Variants in ATRNL1 observed in about 807,000 individuals in gnomAD.
ATRNL1 encodes the protein attractin-like protein 1.
In ATRNL1, 95 loss-of-function variants were observed where a neutral mutation model predicts 182.7. That is an observed-to-expected ratio of 0.52 (90% CI 0.44 to 0.62). The LOEUF is 0.62. ATRNL1 is among the 20% of genes least tolerant of loss of function. The pLI is 0.00. For synonymous variants in ATRNL1, 576 were observed against 568.3 expected, an observed-to-expected ratio of 1.01 and a Z score of -0.19; for missense variants, 1,471 against 1,679.5, an observed-to-expected ratio of 0.88 and a Z score of 2.17.
At chr10:115,380,087 C>T (rs949578930) in intron 19 of ATRNL1, among the ~76,000 whole-genome samples, 1 of 152,184 alleles carries the variant, frequency 6.6e-6, no homozygotes, top group Admixed American at 6.5e-5. Context: ...GCCTCAGCCT[C>T]CCAAAGTGCT....
chr10:115,228,447 C>G (rs1282128915), intron 9 of ATRNL1, among the ~76,000 whole-genome samples: 1 of 152,120 alleles, frequency 6.6e-6, no homozygotes, highest in Non-Finnish European at 1.5e-5. Flanking sequence ...CATTTTATAG[C>G]CTTGTTAAAT....
intron 21 of ATRNL1, among the ~76,000 whole-genome samples, chr10:115,428,426 T>C (rs531029875): frequency 1.3e-5 from 2 of 152,158 alleles, no homozygotes; most frequent in South Asian, 2.1e-4. Flanking sequence ...TTTAATAATG[T>C]GTTGAAAAGA....
chr10:115,573,520 T>G (rs1276993130), intron 26 of ATRNL1, among the ~76,000 whole-genome samples: 1 of 151,974 alleles, frequency 6.6e-6, no homozygotes, highest in African/African-American at 2.4e-5. Flanking sequence ...AAAACAGAAA[T>G]ACCTGTTCTC....
chr10:115,783,608 T>A (rs1369800836), intron 27 of ATRNL1, among the ~76,000 whole-genome samples: 3 of 152,228 alleles, frequency 2.0e-5, no homozygotes, highest in Non-Finnish European at 4.4e-5. Flanking sequence ...AGTTTTCACA[T>A]TCAAATATAA....
At chr10:115,817,528 A>G (rs370132593) in intron 27 of ATRNL1, among the ~76,000 whole-genome samples, 1 of 152,148 alleles carries the variant, frequency 6.6e-6, no homozygotes, top group African/African-American at 2.4e-5. Context: ...AGCCAGATGC[A>G]TACATATATG....
At chr10:115,588,214 C>T (rs1406745819) in intron 26 of ATRNL1, among the ~76,000 whole-genome samples, 3 of 152,136 alleles carry the variant, frequency 2.0e-5, no homozygotes, top group African/African-American at 4.8e-5. Flanking sequence ...CCCTTCTCAT[C>T]CCTCTCTCAC....
rs575135577 is a variant in ATRNL1, at chr10:115,946,539, A to G, written c.*1760A>G. 4.6e-5 allele frequency: 7 copies of G among 152,150 alleles called. No individual in the cohort carries two copies. Among genetic ancestry groups the G allele is most frequent in the Non-Finnish European group, 8.8e-5 (6 of 68,018 alleles). 9.4% of individuals were successfully genotyped at this position (152,150 alleles called of 1,614,324 possible). Reference sequence around the variant, plus strand: ...TGGCATGATAATTTTGCTATTTTCCATGCATTAAAAATAAGACAAATTCTT... The same window carrying G: ...TGGCATGATAATTTTGCTATTTTCCGTGCATTAAAAATAAGACAAATTCTT... On this transcript the variant is annotated 3_prime_UTR_variant, in exon 29 of 29. Coordinates refer to ENST00000355044, the MANE Select transcript of ATRNL1 (RefSeq NM_207303.4).
intron 26 of ATRNL1, among the ~76,000 whole-genome samples, chr10:115,561,675 G>GTGTGTT: frequency 1.1e-5 from 1 of 94,468 alleles, no homozygotes; most frequent in East Asian, 3.5e-4. Context: ...AACTCTGTGT[G>GTGTGTT]TGTGTGTGTG....
intron 26 of ATRNL1, among the ~76,000 whole-genome samples, chr10:115,587,833 C>A (rs1053557809): frequency 8.7e-5 from 12 of 137,268 alleles, no homozygotes; most frequent in Non-Finnish European, 1.9e-4. Context: ...GTAAAAATAT[C>A]CATTTTAACT....
At chr10:115,867,610 C>A (rs1555105012) in intron 28 of ATRNL1, among the ~76,000 whole-genome samples, 1 of 152,126 alleles carries the variant, frequency 6.6e-6, no homozygotes, top group Non-Finnish European at 1.5e-5. Flanking sequence ...AGCCCTCTGT[C>A]TTGTGCCGCT....
intron 19 of ATRNL1, among the ~76,000 whole-genome samples, chr10:115,359,078 A>T (rs1856626771): frequency 6.6e-6 from 1 of 151,650 alleles, no homozygotes; most frequent in African/African-American, 2.4e-5. Flanking sequence ...CAGCTCCAAT[A>T]AAATTCCAGC....
chr10:115,152,731 G>T (rs1272106304), intron 5 of ATRNL1, among the ~76,000 whole-genome samples: 1 of 152,106 alleles, frequency 6.6e-6, no homozygotes, highest in Non-Finnish European at 1.5e-5. Flanking sequence ...GATTGCCCTG[G>T]CCAGAACTTC....
chr10:115,286,783 C>A lies in ATRNL1; in HGVS notation c.2415+386C>A, dbSNP rs1852637731. Among the ~76,000 whole-genome samples the A allele has an allele frequency of 3.3e-5, 5 of 152,024 alleles. No individual in the cohort carries two copies. In the South Asian group the frequency reaches 1.0e-3, roughly 32 times the overall value. On this transcript the variant is annotated intron_variant, in intron 15 of 28. Transcript: ENST00000355044. ...TGGATTCTGCATTCATGGAGTCAAC[C>A]AACCGCAGATGAAAAATATTTTTAA...
intron 9 of ATRNL1, among the ~76,000 whole-genome samples, chr10:115,219,294 G>A (rs1849353834): frequency 6.6e-6 from 1 of 151,842 alleles, no homozygotes. Flanking sequence ...TCCTCACAGA[G>A]CTGTGTGAAC....
At chr10:115,915,169 A>G (rs925224016) in intron 28 of ATRNL1, among the ~76,000 whole-genome samples, 6 of 152,156 alleles carry the variant, frequency 3.9e-5, no homozygotes, top group African/African-American at 1.2e-4. Flanking sequence ...AGGCCGAGGC[A>G]GGCGGATCAC....
At chr10:115,840,662 A>G (rs1269388040) in intron 27 of ATRNL1, among the ~76,000 whole-genome samples, 3 of 152,114 alleles carry the variant, frequency 2.0e-5, no homozygotes, top group South Asian at 4.1e-4. Flanking sequence ...ACCACGTTAC[A>G]CTTCCTCTCA....
chr10:115,756,544 C>T (rs1555072106), intron 27 of ATRNL1, among the ~76,000 whole-genome samples: 5 of 151,094 alleles, frequency 3.3e-5, no homozygotes, highest in East Asian at 1.9e-4. Flanking sequence ...TGTCATGATC[C>T]GTTCTTTTGC....
At chr10:115,457,074 T>C (rs1197490981) in intron 21 of ATRNL1, among the ~76,000 whole-genome samples, 1 of 152,082 alleles carries the variant, frequency 6.6e-6, no homozygotes, top group Non-Finnish European at 1.5e-5. Flanking sequence ...CACCCACAGC[T>C]TAGTGAGTTC....
At chr10:115,424,148 A>G (rs782188042) in intron 20 of ATRNL1, among the ~76,000 whole-genome samples, 1 of 152,192 alleles carries the variant, frequency 6.6e-6, no homozygotes, top group Non-Finnish European at 1.5e-5. Flanking sequence ...AAAAGAAGAC[A>G]TACGAATGGC....
Sources: gnomAD v4.1 joint callset for allele counts (sites outside exome capture counted in the v4.1 genomes callset) on GRCh38, gnomAD v4.1.1 for gene constraint, MANE v1.5 for transcripts, NCBI Gene and HGNC (gene_info 2026-07-23, HGNC 2026-07-21) for gene names.